The following SZT2 variants were observed in gnomAD, a reference collection of about 807,000 sequenced individuals.
SZT2 encodes SZT2 subunit of KICSTOR complex.
A neutral mutation model predicts 404.2 loss-of-function variants in SZT2; 216 were observed. That is an observed-to-expected ratio of 0.53 (90% CI 0.48 to 0.60). The LOEUF (loss-of-function observed/expected upper bound fraction) is 0.60, where lower values mean the gene tolerates loss of function less well. Among genes scored for constraint, SZT2 ranks in the 20% least tolerant of loss-of-function variants. SZT2 has a pLI of 0.00. For synonymous variants in SZT2, 1,693 were observed against 1,749.9 expected (o/e 0.97, Z 0.81); for missense variants, 3,857 against 4,459.2 (o/e 0.86, Z 3.85).
chr1:43,419,204 G>A (rs1055335837), intron 7 of SZT2, among the ~76,000 whole-genome samples: 37 of 152,302 alleles, frequency 2.4e-4, no homozygotes, highest in African/African-American at 8.4e-4. Context: ...AATAAAACTC[G>A]ATTCACAAAA....
chr1:43,430,238 G>A, intron 30 of SZT2, 73 bp from the exon 31 acceptor site: 1 of 1,577,452 alleles, frequency 6.3e-7, no homozygotes, highest in Non-Finnish European at 8.7e-7. Context: ...GGCAAGACAA[G>A]TGTAATCCCA....
rs201365930 is a variant in SZT2 at position 43,437,329 on chromosome 1, T to C, written c.6187+6T>C. On this transcript the variant is annotated splice_donor_region_variant and intron_variant, in intron 43 of 71. Coordinates refer to ENST00000634258, the MANE Select transcript of SZT2 (RefSeq NM_001365999.1). This position sits in a 1 kb window ranked among gnomAD's most constrained non-coding sequence, Gnocchi z 5.3. ...CAGCATGGGGGTCTCTCGGGGTATG[T>C]GATTGGCATGAGAGGGCAGGTGAGC... 1.9e-6 allele frequency: 3 copies of C among 1,614,060 alleles called. No individual in the cohort carries two copies. Among genetic ancestry groups the C allele is most frequent in the Non-Finnish European group, 2.5e-6 (3 of 1,180,016 alleles).
chr1:43,442,363 A>G lies in SZT2; in HGVS notation c.7969A>G (p.Lys2657Glu), dbSNP rs764951214. The change falls in exon 57 of 72, where the codon AAG (lysine) becomes GAG (glutamate). Residue 2657 changes from lysine (K) to glutamate (E), a missense_variant. Around this residue, in one of 7 missense-constraint regions of SZT2, gnomAD observed 573 missense variants for 592.4 expected, o/e 0.97. Transcript: ENST00000634258. This position sits in a 1 kb window ranked among gnomAD's most constrained non-coding sequence, Gnocchi z 4.5. ...QRLLLLEVVD[K>E]KLQLLTYNWA... is the part of the protein sequence containing the mutation. Reference sequence around the variant, plus strand: ...GCTCTTGCTACTAGAGGTTGTGGACAAGAAGGTAAATATGGGGCCAGGGAC... The same window carrying G: ...GCTCTTGCTACTAGAGGTTGTGGACGAGAAGGTAAATATGGGGCCAGGGAC... 1 of 1,613,990 alleles carries G rather than the reference A, an allele frequency of 6.2e-7. No homozygotes were observed. The highest frequency in any genetic ancestry group is 1.7e-5 in the Admixed American group (1 of 60,002).
intron 40 of SZT2, 141 bp from the exon 41 acceptor site, chr1:43,434,245 C>T (rs1654225570): frequency 1.4e-6 from 1 of 690,216 alleles, no homozygotes. Flanking sequence ...GCTCCCTTTT[C>T]ATGGTTTCTC....
chr1:43,420,347 T>C lies in SZT2; in HGVS notation c.1261+24T>C. The C allele has an allele frequency of 6.5e-7, 1 of 1,547,126 alleles. No homozygotes were observed. Among genetic ancestry groups the C allele is most frequent in the Non-Finnish European group, 8.7e-7 (1 of 1,152,110 alleles). The stretch of plus-strand genomic sequence containing the variant: ...AGGTAAGGGTCATTAGGCCCTGCTG[T>C]AATCCCATAGATCTCTCAAGAATTT... On this transcript the variant is annotated intron_variant, in intron 9 of 71. Coordinates refer to ENST00000634258, the MANE Select transcript of SZT2 (RefSeq NM_001365999.1). This position sits in a 1 kb window ranked among gnomAD's most constrained non-coding sequence, Gnocchi z 5.1.
chr1:43,426,077 C>A lies in SZT2; in HGVS notation c.2969C>A (p.Pro990His), dbSNP rs1253394232. Residue 990 changes from proline (P) to histidine (H), a missense_variant, in exon 21 of 72, where the codon CCT becomes CAT. Coordinates refer to ENST00000634258, the MANE Select transcript of SZT2 (RefSeq NM_001365999.1). The surrounding 1 kb of genome is among the most constrained non-coding windows in gnomAD (Gnocchi z 4.9). The stretch of plus-strand genomic sequence containing the variant: ...GGAGACACCTGCGTCCATGAGATCC[C>A]TTTCCATTTTGACCTAATGGGATTG... ...QGGDTCVHEI[P>H]FHFDLMGLLP... The A allele has an allele frequency of 6.2e-7, 1 of 1,614,030 alleles. No individual in the cohort carries two copies. Among genetic ancestry groups the A allele is most frequent in the East Asian group, 2.2e-5 (1 of 44,896 alleles).
chr1:43,450,021 C>A lies in SZT2; in HGVS notation c.10087-82C>A. On this transcript the variant is annotated intron_variant, in intron 70 of 71. Transcript: ENST00000634258. This position sits in a 1 kb window ranked among gnomAD's most constrained non-coding sequence, Gnocchi z 4.3. ...GTGAGGTGTGGAGATGGAAGTAGGC[C>A]TCTCCTCATCCTCCCTTCACCTCAG... 6.5e-7 allele frequency: 1 copy of A among 1,542,564 alleles called. No homozygotes were observed. Among genetic ancestry groups the A allele is most frequent in the Non-Finnish European group, 9.0e-7 (1 of 1,115,696 alleles).
At position 43,439,113 on chromosome 1, in the gene SZT2, T is replaced by C. The variant is rs1368090635; in HGVS notation, c.6792+20T>C. The C allele has an allele frequency of 6.2e-7, 1 of 1,613,862 alleles. No homozygotes were observed. The highest frequency in any genetic ancestry group is 1.1e-5 in the South Asian group (1 of 91,088). ...TTCCAAGTGAGATGGCACTCATCTCTCTCCACACTCATGTGCACCCCTGCC... is the reference window on the plus strand; with the variant it reads ...TTCCAAGTGAGATGGCACTCATCTCCCTCCACACTCATGTGCACCCCTGCC... On this transcript the variant is annotated intron_variant, in intron 48 of 71. Coordinates refer to ENST00000634258, the MANE Select transcript of SZT2 (RefSeq NM_001365999.1). This position sits in a 1 kb window ranked among gnomAD's most constrained non-coding sequence, Gnocchi z 4.2.
chr1:43,409,689 C>A (rs1458845568), intron 4 of SZT2: 1 of 167,110 alleles, frequency 6.0e-6, no homozygotes, highest in Non-Finnish European at 1.3e-5. Context: ...AATAAAATAC[C>A]TAGGAATTAA....
At position 43,451,203 on chromosome 1, in the gene SZT2, C is replaced by T. The variant is rs759759440; in HGVS notation, c.*723C>T. ...GCAGAGGAGGAGATGGGATGTCACT[C>T]GCTGTCTGGAGGCACGTGGGTGGTG... On this transcript the variant is annotated 3_prime_UTR_variant, in exon 72 of 72. Coordinates refer to ENST00000634258, the MANE Select transcript of SZT2 (RefSeq NM_001365999.1). The T allele has an allele frequency of 9.4e-6, 15 of 1,594,036 alleles. No homozygotes were observed. Among genetic ancestry groups the T allele is most frequent in the Non-Finnish European group, 1.1e-5 (13 of 1,161,926 alleles).
chr1:43,434,577 C>A, intron 41 of SZT2, 92 bp downstream of exon 41: 1 of 1,115,198 alleles, frequency 9.0e-7, no homozygotes. Flanking sequence ...TGGTCCATTT[C>A]AGAATCAATA....
At chr1:43,421,976 G>A (rs970371230) in intron 11 of SZT2, 107 bp from the exon 12 acceptor site, 8 of 1,279,526 alleles carry the variant, frequency 6.3e-6, no homozygotes, top group African/African-American at 1.5e-5. Context: ...AACCACTGCT[G>A]TCTCTGACTC....
rs1183727810 is a variant in SZT2, at chr1:43,441,281, A to G, written c.7412A>G (p.Glu2471Gly). 1 of 1,614,258 alleles carries G rather than the reference A, an allele frequency of 6.2e-7. No individual in the cohort carries two copies. The highest frequency in any genetic ancestry group is 1.1e-5 in the South Asian group (1 of 91,086). ...TTDDIVLDRPEDTRGRRRHKT... is the reference protein window; with the variant it reads ...TTDDIVLDRPGDTRGRRRHKT... ...GATGACATTGTCCTGGATCGGCCAG[A>G]AGACACTCGGGGCCGGAGGCGTCAC... The change falls in exon 53 of 72, where the codon GAA becomes GGA. Residue 2471 changes from glutamate to glycine, a missense_variant. Physicochemically the swap from Glu to Gly is moderately conservative, Grantham distance 98 (BLOSUM62 -2). Around this residue, in one of 7 missense-constraint regions of SZT2, gnomAD observed 573 missense variants for 592.4 expected, o/e 0.97. Transcript: ENST00000634258. The surrounding 1 kb of genome is among the most constrained non-coding windows in gnomAD (Gnocchi z 4.8).
intron 46 of SZT2, 173 bp downstream of exon 46, chr1:43,438,075 G>C: frequency 1.5e-6 from 1 of 645,966 alleles, no homozygotes; most frequent in South Asian, 1.9e-5. Flanking sequence ...GACCCTCTGG[G>C]ACTTCTCTTA....
chr1:43,428,618 C>G lies in SZT2; in HGVS notation c.4166+132C>G, dbSNP rs192510683. On this transcript the variant is annotated intron_variant, in intron 28 of 71. Transcript: ENST00000634258. ...CCTGAGAAGCAGTAGTGCTTTGTCG[C>G]CGGCTCACGGACTCCCATGCAGCCT... 3.8e-6 allele frequency: 5 copies of G among 1,309,040 alleles called. No homozygotes were observed. The African/African-American group carries it at 7.4e-5, about 19-fold the overall frequency. 81.1% of individuals were successfully genotyped at this position (1,309,040 alleles called of 1,614,324 possible). A position where few individuals can be genotyped will look rare whatever the true frequency, so the allele number is the denominator to read the frequency against.
Position 43,448,174 on chromosome 1 carries a change from CT to C in SZT2, c.9660del (p.Glu3221SerfsTer20). On this transcript the variant is annotated frameshift_variant, in exon 69 of 72. Coordinates refer to ENST00000634258, the MANE Select transcript of SZT2 (RefSeq NM_001365999.1). LOFTEE classifies it high-confidence loss of function. This position sits in a 1 kb window ranked among gnomAD's most constrained non-coding sequence, Gnocchi z 4.2. Reference sequence around the variant, plus strand: ...TTCCGGAAGCCACCCAGACTGCCCCCTGAGCCAGAGGCTCCTGGGAGTTCAG... The same window carrying C: ...TTCCGGAAGCCACCCAGACTGCCCCCGAGCCAGAGGCTCCTGGGAGTTCAG... The part of the protein sequence containing the change: ...RRFRKPPRLP[P>X]EPEAPGSSAG... The C allele has an allele frequency of 6.2e-7, 1 of 1,612,002 alleles. No individual in the cohort carries two copies. The highest frequency in any genetic ancestry group is 8.5e-7 in the Non-Finnish European group (1 of 1,178,750).
At position 43,447,180 on chromosome 1, in the gene SZT2, A is replaced by G. The variant is rs1477781341; in HGVS notation, c.9286+12A>G. 6.2e-7 allele frequency: 1 copy of G among 1,602,474 alleles called. No individual in the cohort carries two copies. Among genetic ancestry groups the G allele is most frequent in the African/African-American group, 1.3e-5 (1 of 74,508 alleles). ...TCACATTTACCAAGGTCAGTGCCCA[A>G]GGGCAAGCCAGTGAACCCAAAAAAG... On this transcript the variant is annotated intron_variant, in intron 66 of 71. Transcript: ENST00000634258.
chr1:43,448,559 A>C lies in SZT2; in HGVS notation c.9970-53A>C, dbSNP rs1655977337. The C allele has an allele frequency of 1.9e-6, 3 of 1,613,590 alleles. No homozygotes were observed. Among genetic ancestry groups the C allele is most frequent in the Non-Finnish European group, 2.5e-6 (3 of 1,179,616 alleles). ...CACTGGCAGCCAGGGCAGAGGGCAC[A>C]GGAATCTGAGGTGACTGGCACAGAA... On this transcript the variant is annotated intron_variant, in intron 69 of 71. Coordinates refer to ENST00000634258, the MANE Select transcript of SZT2 (RefSeq NM_001365999.1). This position sits in a 1 kb window ranked among gnomAD's most constrained non-coding sequence, Gnocchi z 4.2.
chr1:43,432,249 T>C, intron 36 of SZT2, 23 bp from the exon 37 acceptor site: 2 of 1,526,282 alleles, frequency 1.3e-6, no homozygotes, highest in East Asian at 2.3e-5. Context: ...GCCTAAACTG[T>C]GATCTTGGCT....
Sources: allele counts gnomAD v4.1 joint callset (sites outside exome capture counted in the v4.1 genomes callset), GRCh38; gene constraint gnomAD v4.1.1; regional missense constraint gnomAD v4.1.1; non-coding constraint Gnocchi (gnomAD v3.1); transcripts MANE v1.5; gene names NCBI Gene and HGNC (gene_info 2026-07-23, HGNC 2026-07-21).